Variants in COL25A1 observed in about 807,000 individuals in gnomAD.
COL25A1 encodes the protein collagen alpha-1(XXV) chain.
A neutral mutation model predicts 128.4 loss-of-function variants in COL25A1; 103 were observed. The observed-to-expected ratio is 0.80, with a 90% CI of 0.68 to 0.94. The LOEUF is 0.94. Among genes scored for constraint, COL25A1 ranks in the 40% least tolerant of loss-of-function variants. COL25A1 has a pLI of 0.00. For synonymous variants in COL25A1, 279 were observed against 277.2 expected (o/e 1.01, Z -0.06); for missense variants, 745 against 840.0 (o/e 0.89, Z 1.40).
Position 109,283,543 on chromosome 4 carries a change from G to A in COL25A1, c.367+17040C>T, listed in dbSNP as rs118026200. Among the ~76,000 whole-genome samples the A allele has an allele frequency of 8.3e-3, 1,263 of 152,184 alleles. 65 individuals are homozygous for A. The South Asian group carries it at 0.14, about 17-fold the overall frequency. On this transcript the variant is annotated intron_variant, in intron 3 of 37. Coordinates refer to ENST00000399132, the MANE Select transcript of COL25A1 (RefSeq NM_198721.4). ...ATCCCAAAGTGCTAGGATTACAGGC[G>A]TGAGCCCCATCAGCTAGCAACGTGT... is the stretch of plus-strand genomic sequence containing the variant.
At chr4:109,241,821 C>A in intron 3 of COL25A1, among the ~76,000 whole-genome samples, 1 of 151,906 alleles carries the variant, frequency 6.6e-6, no homozygotes, top group East Asian at 1.9e-4. Context: ...ACCTAGTAAC[C>A]CCAATCTCAC....
In COL25A1 at chr4:108,824,172, A is replaced by ACCTTTTCTC. The variant is rs2125713803; in HGVS notation, c.1838_1845+1dup. ...AGGTACATGCTGGGATGGAGAGGTC[A>ACCTTTTCTC]CCTTTTCTCCCTTTTCTCCTAGATC... On this transcript the variant is annotated splice_donor_variant, in intron 35 of 37. Transcript: ENST00000399132. LOFTEE classifies it high-confidence loss of function. 1.2e-6 allele frequency: 2 copies of ACCTTTTCTC among 1,613,884 alleles called. No homozygotes were observed. Among genetic ancestry groups the ACCTTTTCTC allele is most frequent in the East Asian group, 4.5e-5 (2 of 44,866 alleles).
Position 109,143,236 on chromosome 4 carries a change from ACT to A in COL25A1, c.368-93059_368-93058del, listed in dbSNP as rs1770599957. 5.3e-5 allele frequency among the ~76,000 whole-genome samples: 8 copies of A among 152,000 alleles called. 1 individual carries two copies. In the South Asian group the frequency reaches 1.7e-3, roughly 32 times the overall value. ...TTAAGAATGTTGAATATTGGCCTCC[ACT>A]CTCTTCTGGCTCGCAGGGTTTCTGC... is the stretch of plus-strand genomic sequence containing the variant. On this transcript the variant is annotated intron_variant, in intron 3 of 37. Coordinates refer to ENST00000399132, the MANE Select transcript of COL25A1 (RefSeq NM_198721.4).
intron 3 of COL25A1, among the ~76,000 whole-genome samples, chr4:109,240,904 A>G (rs1331611187): frequency 2.0e-5 from 3 of 151,308 alleles, no homozygotes; most frequent in African/African-American, 7.3e-5. Flanking sequence ...CCCATATTAT[A>G]GTATAAATCC....
intron 16 of COL25A1, among the ~76,000 whole-genome samples, chr4:108,895,589 C>A (rs536516024): frequency 6.0e-4 from 91 of 152,206 alleles, no homozygotes; most frequent in African/African-American, 1.8e-3. Flanking sequence ...TTTAAAAGAC[C>A]CTTTGCCCCA....
chr4:108,878,120 C>A (rs1303680365), intron 19 of COL25A1, among the ~76,000 whole-genome samples: 1 of 151,914 alleles, frequency 6.6e-6, no homozygotes, highest in African/African-American at 2.4e-5. Flanking sequence ...GAATGGTGGC[C>A]GGAATGTCCT....
intron 5 of COL25A1, among the ~76,000 whole-genome samples, chr4:109,016,115 C>T (rs1192094458): frequency 6.6e-6 from 1 of 152,186 alleles, no homozygotes; most frequent in African/African-American, 2.4e-5. Context: ...CTGGGAAGCC[C>T]CTCCTGCCCC....
rs1732753458 is a variant in COL25A1, at chr4:108,829,175, G to A, written c.1711-1987C>T. ...GAGACATCTATAAAAAATATCTACA[G>A]CATATTTCTTAATAGTGAAATATCA... is the stretch of plus-strand genomic sequence containing the variant. On this transcript the variant is annotated intron_variant, in intron 32 of 37. Transcript: ENST00000399132. Among the ~76,000 whole-genome samples the A allele has an allele frequency of 2.6e-5, 4 of 152,038 alleles. No individual in the cohort carries two copies. In the South Asian group the frequency reaches 8.3e-4, roughly 32 times the overall value.
At chr4:109,281,301 A>G (rs1210986326) in intron 3 of COL25A1, among the ~76,000 whole-genome samples, 1 of 152,122 alleles carries the variant, frequency 6.6e-6, no homozygotes, top group Non-Finnish European at 1.5e-5. Context: ...ATACAGTACA[A>G]AGGTTGTTAT....
chr4:109,254,299 A>C (rs913908891), intron 3 of COL25A1, among the ~76,000 whole-genome samples: 6 of 150,726 alleles, frequency 4.0e-5, no homozygotes, highest in African/African-American at 1.5e-4. Flanking sequence ...AGGTAGAGTA[A>C]CCTTATTACT....
Position 108,859,679 on chromosome 4 carries a change from C to T in COL25A1, c.1297G>A (p.Gly433Ser), listed in dbSNP as rs1384991508. The T allele has an allele frequency of 1.5e-5, 24 of 1,613,620 alleles. No individual in the cohort carries two copies. Among genetic ancestry groups the T allele is most frequent in the Admixed American group, 5.0e-5 (3 of 59,934 alleles). Residue 433 changes from glycine (G) to serine (S), a missense_variant, in exon 24 of 38, where the codon GGC becomes AGC. Coordinates refer to ENST00000399132, the MANE Select transcript of COL25A1 (RefSeq NM_198721.4). Reference sequence around the variant, plus strand: ...GCCTGTAAGGCTTCGTGGAGGTTGCCGTTGTAGTCTATGATCTCAGTGGCT... The same window carrying T: ...GCCTGTAAGGCTTCGTGGAGGTTGCTGTTGTAGTCTATGATCTCAGTGGCT... The part of the protein sequence containing the change: ...QGATEIIDYN[G>S]NLHEALQRIT...
chr4:109,014,049 G>C (rs890380606), intron 5 of COL25A1, among the ~76,000 whole-genome samples: 6 of 152,198 alleles, frequency 3.9e-5, no homozygotes, highest in African/African-American at 1.4e-4. Context: ...GCTCATGCCT[G>C]TAATTCCAGC....
At chr4:109,072,515 A>G (rs1278636450) in intron 3 of COL25A1, among the ~76,000 whole-genome samples, 1 of 152,188 alleles carries the variant, frequency 6.6e-6, no homozygotes, top group Non-Finnish European at 1.5e-5. Context: ...ACTCAGTCAT[A>G]TCACAGGGAT....
At chr4:109,182,740 GTAA>G (rs1774778537) in intron 3 of COL25A1, among the ~76,000 whole-genome samples, 1 of 151,996 alleles carries the variant, frequency 6.6e-6, no homozygotes, top group Non-Finnish European at 1.5e-5. Context: ...CACTTTATGC[GTAA>G]GTGACTGAGG....
Position 108,845,223 on chromosome 4 carries a change from C to T in COL25A1, c.1544G>A (p.Gly515Glu). The T allele has an allele frequency of 6.2e-7, 1 of 1,613,952 alleles. No homozygotes were observed. Among genetic ancestry groups the T allele is most frequent in the South Asian group, 1.1e-5 (1 of 91,082 alleles). The change falls in exon 29 of 38, where the codon GGA becomes GAA. Residue 515 changes from glycine to glutamate, a missense_variant. Physicochemically the swap from Gly to Glu is moderately conservative, Grantham distance 98. This residue lies in a region of COL25A1 where 387 missense variants were observed against 441.9 expected (regional missense o/e 0.88). Coordinates refer to ENST00000399132, the MANE Select transcript of COL25A1 (RefSeq NM_198721.4). ...PGANGMKGEK[G>E]DSGMPGPQGP... is the part of the protein sequence containing the mutation. Reference sequence around the variant, plus strand: ...CTGTGGACCCGGCATTCCAGAATCTCCTTTTTCTCCTTTCATTCCATTGGC... The same window carrying T: ...CTGTGGACCCGGCATTCCAGAATCTTCTTTTTCTCCTTTCATTCCATTGGC...
chr4:109,135,980 T>A (rs781065658), intron 3 of COL25A1, among the ~76,000 whole-genome samples: 1 of 152,252 alleles, frequency 6.6e-6, no homozygotes, highest in African/African-American at 2.4e-5. Context: ...ATATACGGCA[T>A]AAGCATCTTG....
At chr4:108,899,020 T>C in intron 15 of COL25A1, 134 bp downstream of exon 15, 1 of 676,174 alleles carries the variant, frequency 1.5e-6, no homozygotes, top group Non-Finnish European at 2.6e-6. Context: ...TATACCTACC[T>C]ACCTACCTAT....
chr4:109,091,124 T>C (rs569565165), intron 3 of COL25A1, among the ~76,000 whole-genome samples: 1 of 152,320 alleles, frequency 6.6e-6, no homozygotes, highest in African/African-American at 2.4e-5. Flanking sequence ...TGCTTCAGAA[T>C]AAAGTCTAGT....
At chr4:108,906,555 C>T (rs1188136735) in intron 13 of COL25A1, among the ~76,000 whole-genome samples, 2 of 151,998 alleles carry the variant, frequency 1.3e-5, no homozygotes, top group African/African-American at 4.8e-5. Context: ...GTTTAGCAAA[C>T]AAAAATATAG....
Sources: allele counts gnomAD v4.1 joint callset (sites outside exome capture counted in the v4.1 genomes callset), GRCh38; gene constraint gnomAD v4.1.1; regional missense constraint gnomAD v4.1.1; transcripts MANE v1.5; gene names NCBI Gene and HGNC (gene_info 2026-07-23, HGNC 2026-07-21).